Variants in LDB2 observed in about 807,000 individuals in gnomAD.
LDB2 encodes the protein LIM domain binding 2.
Under a neutral mutation model 44.3 loss-of-function variants are expected in LDB2, and 12 were observed. The ratio of observed to expected loss-of-function variants is 0.27; its 90% CI spans 0.17 to 0.44. The LOEUF (loss-of-function observed/expected upper bound fraction) is 0.44, where lower values mean the gene tolerates loss of function less well. LDB2 is among the 20% of genes least tolerant of loss of function. The pLI is 1.00. For synonymous variants in LDB2, 164 were observed against 174.8 expected, an observed-to-expected ratio of 0.94 and a Z score of 0.49; for missense variants, 344 against 473.5, an observed-to-expected ratio of 0.73 and a Z score of 2.54.
intron 2 of LDB2, among the ~76,000 whole-genome samples, chr4:16,656,597 G>A (rs1214795543): frequency 6.6e-6 from 1 of 152,218 alleles, no homozygotes; most frequent in African/African-American, 2.4e-5. Flanking sequence ...TGACTTTATG[G>A]TGTCGGCAAG....
intron 1 of LDB2, among the ~76,000 whole-genome samples, chr4:16,819,400 C>A (rs1781536664): frequency 7.3e-6 from 1 of 137,874 alleles, no homozygotes; most frequent in African/African-American, 2.7e-5. Flanking sequence ...ACATTCAGTA[C>A]TTTAGGTCAG....
At chr4:16,543,648 A>C (rs1392733723) in intron 5 of LDB2, among the ~76,000 whole-genome samples, 1 of 152,226 alleles carries the variant, frequency 6.6e-6, no homozygotes, top group African/African-American at 2.4e-5. Flanking sequence ...TTAGACCTAA[A>C]ACCATAAAAA....
At chr4:16,757,977 G>A (rs2109192946) in intron 2 of LDB2, among the ~76,000 whole-genome samples, 1 of 47,672 alleles carries the variant, frequency 2.1e-5, no homozygotes, top group Middle Eastern at 0.017. Context: ...AAAAGTCCGT[G>A]AGACACAAAC....
intron 2 of LDB2, among the ~76,000 whole-genome samples, chr4:16,710,998 A>G (rs157618): frequency 0.51 from 76,840 of 152,078 alleles, 19,694 homozygotes; most frequent in East Asian, 0.78. Flanking sequence ...AGGTATTCTT[A>G]GCTTTTTATG....
rs181190095 is a variant in LDB2 at position 16,553,330 on chromosome 4, G to T, written c.615+32592C>A. Among the ~76,000 whole-genome samples the T allele has an allele frequency of 1.0e-3, 151 of 150,726 alleles. 2 individuals carry two copies. In the East Asian group the frequency reaches 0.027, roughly 27 times the overall value. On this transcript the variant is annotated intron_variant, in intron 5 of 7. Coordinates refer to ENST00000304523, the MANE Select transcript of LDB2 (RefSeq NM_001290.5). ...ACCATGCCCAGTTAATTTTTTTTTT[G>T]AATTTTTTGTAGAGATAGATAGGAT...
At chr4:16,581,522 C>T (rs1227446882) in intron 5 of LDB2, 1 of 719,048 alleles carries the variant, frequency 1.4e-6, no homozygotes. Flanking sequence ...AAACTTGAAA[C>T]TTATATTTTA....
chr4:16,666,157 T>C (rs932409854), intron 2 of LDB2, among the ~76,000 whole-genome samples: 3 of 152,126 alleles, frequency 2.0e-5, no homozygotes, highest in African/African-American at 7.2e-5. Context: ...AACTACCCCA[T>C]AGAAACCTAA....
chr4:16,813,550 C>A (rs190093849), intron 1 of LDB2, among the ~76,000 whole-genome samples: 1 of 152,170 alleles, frequency 6.6e-6, no homozygotes, highest in Non-Finnish European at 1.5e-5. Context: ...ACACCTCCTG[C>A]ACAAAAATCT....
chr4:16,774,112 G>A (rs1237799910), intron 1 of LDB2, among the ~76,000 whole-genome samples: 9 of 131,478 alleles, frequency 6.8e-5, no homozygotes, highest in Non-Finnish European at 9.2e-5. Flanking sequence ...CCAAGATCAC[G>A]CCATTGCACT....
chr4:16,614,356 T>C (rs921752110), intron 2 of LDB2, among the ~76,000 whole-genome samples: 2 of 152,088 alleles, frequency 1.3e-5, no homozygotes, highest in African/African-American at 4.8e-5. Context: ...GACATAAGCA[T>C]GGGCAAAGAC....
chr4:16,660,134 T>C (rs1741149452), intron 2 of LDB2, among the ~76,000 whole-genome samples: 1 of 152,102 alleles, frequency 6.6e-6, no homozygotes, highest in African/African-American at 2.4e-5. Flanking sequence ...AGAGATACCC[T>C]AAAGATAAAG....
At chr4:16,661,969 T>C (rs1400291671) in intron 2 of LDB2, among the ~76,000 whole-genome samples, 1 of 152,142 alleles carries the variant, frequency 6.6e-6, no homozygotes, top group Non-Finnish European at 1.5e-5. Context: ...GATTCCAGTC[T>C]TGAACCAAAG....
chr4:16,824,766 T>C (rs963337044), intron 1 of LDB2, among the ~76,000 whole-genome samples: 20 of 152,266 alleles, frequency 1.3e-4, no homozygotes, highest in Non-Finnish European at 2.4e-4. Flanking sequence ...TGTTCACCCA[T>C]GCTTTTAAGA....
At chr4:16,780,244 A>G (rs371586852) in intron 1 of LDB2, among the ~76,000 whole-genome samples, 23 of 152,230 alleles carry the variant, frequency 1.5e-4, no homozygotes, top group African/African-American at 5.5e-4. Context: ...TTTTTTTGAG[A>G]TGGAGTCTCA....
intron 5 of LDB2, among the ~76,000 whole-genome samples, chr4:16,573,061 G>A (rs1279778047): frequency 3.9e-5 from 6 of 152,228 alleles, no homozygotes; most frequent in Admixed American, 3.3e-4. Flanking sequence ...GTGGAGTGGT[G>A]TAGCAGCTTC....
chr4:16,743,389 C>T (rs760890367), intron 2 of LDB2, among the ~76,000 whole-genome samples: 8 of 152,136 alleles, frequency 5.3e-5, no homozygotes, highest in Non-Finnish European at 1.0e-4. Context: ...CCAAGATTCC[C>T]ACCCCTGGTA....
intron 2 of LDB2, among the ~76,000 whole-genome samples, chr4:16,738,090 A>T (rs1250303438): frequency 6.6e-6 from 1 of 152,228 alleles, no homozygotes; most frequent in Non-Finnish European, 1.5e-5. Flanking sequence ...ATAAAGTGAC[A>T]GGTATAGAAG....
chr4:16,505,571 A>G (rs1226287051), intron 7 of LDB2, among the ~76,000 whole-genome samples: 1 of 152,208 alleles, frequency 6.6e-6, no homozygotes, highest in Admixed American at 6.5e-5. Flanking sequence ...CATGATGCAC[A>G]TTCTAGGCTG....
chr4:16,764,786 T>A lies in LDB2; in HGVS notation c.133-5526A>T, dbSNP rs1579447750. ...GTACCACAAAAATGGCCCATTCTCC[T>A]TTTGGACCTGGCAATGTGGCCAAGT... On this transcript the variant is annotated intron_variant, in intron 1 of 7. Transcript: ENST00000304523. Among the ~76,000 whole-genome samples the A allele has an allele frequency of 2.0e-5, 3 of 152,198 alleles. No individual in the cohort carries two copies. The East Asian group carries it at 5.8e-4, about 29-fold the overall frequency.
Sources: allele counts gnomAD v4.1 joint callset (sites outside exome capture counted in the v4.1 genomes callset), GRCh38; gene constraint gnomAD v4.1.1; transcripts MANE v1.5; gene names NCBI Gene and HGNC (gene_info 2026-07-23, HGNC 2026-07-21).